The following LRRC4C variants were observed in gnomAD, a reference collection of about 807,000 sequenced individuals.
LRRC4C encodes the protein leucine rich repeat containing 4C.
A neutral mutation model predicts 33.6 loss-of-function variants in LRRC4C; 5 were observed. That is an observed-to-expected ratio of 0.15 (90% CI 0.08 to 0.31). The LOEUF (loss-of-function observed/expected upper bound fraction) is 0.31. Ranked by LOEUF, LRRC4C falls within the 10% of genes least tolerant of loss-of-function variation. The pLI is 1.00. For missense variants in LRRC4C, 560 were observed against 796.7 expected, an observed-to-expected ratio of 0.70 and a Z score of 3.58; for synonymous variants, 329 against 302.0, an observed-to-expected ratio of 1.09 and a Z score of -0.93.
intron 1 of LRRC4C, among the ~76,000 whole-genome samples, chr11:41,307,318 T>G (rs1950533092): frequency 6.6e-6 from 1 of 151,880 alleles, no homozygotes. Context: ...CACCATAACC[T>G]GTCGTTTAAT....
intron 4 of LRRC4C, among the ~76,000 whole-genome samples, chr11:40,264,172 G>A (rs1942075644): frequency 6.6e-6 from 1 of 152,174 alleles, no homozygotes; most frequent in Admixed American, 6.5e-5. Flanking sequence ...AAGTGCCAGA[G>A]CCAGTATTTG....
intron 3 of LRRC4C, among the ~76,000 whole-genome samples, chr11:40,495,451 G>A (rs1954382359): frequency 6.6e-6 from 1 of 152,098 alleles, no homozygotes; most frequent in Non-Finnish European, 1.5e-5. Flanking sequence ...AGTGTCTCAG[G>A]AGTGACACTT....
intron 1 of LRRC4C, among the ~76,000 whole-genome samples, chr11:41,184,732 C>T (rs902275789): frequency 2.0e-5 from 3 of 151,052 alleles, no homozygotes; most frequent in Admixed American, 6.6e-5. Flanking sequence ...TTTTCAGCAA[C>T]GTCCCACTTT....
At chr11:40,738,726 A>G (rs1948007751) in intron 2 of LRRC4C, among the ~76,000 whole-genome samples, 1 of 152,078 alleles carries the variant, frequency 6.6e-6, no homozygotes, top group Non-Finnish European at 1.5e-5. Context: ...GAACTGATAG[A>G]GATTTTTCTT....
intron 2 of LRRC4C, among the ~76,000 whole-genome samples, chr11:40,784,552 T>C (rs1441168218): frequency 6.6e-6 from 1 of 152,234 alleles, no homozygotes; most frequent in African/African-American, 2.4e-5. Flanking sequence ...AAAGTAATTT[T>C]TTATGTAATA....
intron 1 of LRRC4C, among the ~76,000 whole-genome samples, chr11:41,290,679 A>G (rs1269976807): frequency 6.6e-6 from 1 of 152,290 alleles, no homozygotes; most frequent in East Asian, 1.9e-4. Context: ...ATGTTTAATG[A>G]GACTTAAAAA....
intron 2 of LRRC4C, among the ~76,000 whole-genome samples, chr11:40,740,379 A>G (rs550087455): frequency 1.3e-4 from 20 of 152,044 alleles, no homozygotes; most frequent in Non-Finnish European, 2.2e-4. Flanking sequence ...ATGATATATT[A>G]TTAGAGTTTT....
intron 3 of LRRC4C, among the ~76,000 whole-genome samples, chr11:40,589,975 G>T (rs201784331): frequency 0.13 from 18,967 of 150,814 alleles, 1,311 homozygotes; most frequent in Middle Eastern, 0.2. Flanking sequence ...CTCTTCTCGA[G>T]GAGTATCTTT....
At chr11:40,598,178 A>G (rs1959567828) in intron 3 of LRRC4C, among the ~76,000 whole-genome samples, 1 of 152,202 alleles carries the variant, frequency 6.6e-6, no homozygotes, top group African/African-American at 2.4e-5. Context: ...AACTAAGAAA[A>G]GCATCACTTT....
At chr11:40,424,153 T>G (rs1950627667) in intron 3 of LRRC4C, among the ~76,000 whole-genome samples, 1 of 133,668 alleles carries the variant, frequency 7.5e-6, no homozygotes, top group Non-Finnish European at 1.7e-5. Context: ...AGATCCATAA[T>G]ACTTAAATGG....
intron 1 of LRRC4C, among the ~76,000 whole-genome samples, chr11:41,089,367 G>A (rs1940235004): frequency 6.6e-6 from 1 of 151,982 alleles, no homozygotes; most frequent in Non-Finnish European, 1.5e-5. Context: ...GCCAATTATT[G>A]TCATGGCACC....
intron 1 of LRRC4C, among the ~76,000 whole-genome samples, chr11:41,292,564 T>C (rs1205591886): frequency 6.6e-6 from 1 of 152,016 alleles, no homozygotes. Flanking sequence ...AAATACAATA[T>C]AATATTTTGA....
intron 2 of LRRC4C, among the ~76,000 whole-genome samples, chr11:40,874,807 G>T (rs549880034): frequency 2.6e-5 from 4 of 152,252 alleles, no homozygotes; most frequent in Admixed American, 2.6e-4. Flanking sequence ...ATAGTACCAC[G>T]TCTCTGTAGG....
intron 3 of LRRC4C, among the ~76,000 whole-genome samples, chr11:40,510,481 T>A (rs1469107942): frequency 6.6e-6 from 1 of 152,104 alleles, no homozygotes; most frequent in Non-Finnish European, 1.5e-5. Context: ...ATATAACATC[T>A]AAGTACAATA....
chr11:41,086,080 A>G (rs1306932680), intron 1 of LRRC4C, among the ~76,000 whole-genome samples: 1 of 152,086 alleles, frequency 6.6e-6, no homozygotes. Flanking sequence ...TCTGAATCCT[A>G]GTGTATCAAA....
chr11:40,553,621 A>C (rs948628182), intron 3 of LRRC4C, among the ~76,000 whole-genome samples: 2 of 152,164 alleles, frequency 1.3e-5, no homozygotes, highest in African/African-American at 2.4e-5. Flanking sequence ...AGCCATTCTG[A>C]CTAGTGTGAG....
At chr11:41,387,098 T>C (rs192640358) in intron 1 of LRRC4C, among the ~76,000 whole-genome samples, 5 of 151,926 alleles carry the variant, frequency 3.3e-5, no homozygotes, top group Admixed American at 6.6e-5. Context: ...GTTATGACTA[T>C]ATGCAAAGCA....
intron 1 of LRRC4C, among the ~76,000 whole-genome samples, chr11:40,947,034 G>C (rs963396515): frequency 6.6e-6 from 1 of 152,102 alleles, no homozygotes; most frequent in East Asian, 1.9e-4. Context: ...TATAAGCGAA[G>C]TTAAGGCAGA....
intron 2 of LRRC4C, among the ~76,000 whole-genome samples, chr11:40,673,749 T>A (rs1249427913): frequency 6.6e-6 from 1 of 152,192 alleles, no homozygotes; most frequent in Non-Finnish European, 1.5e-5. Context: ...TTACTTCACC[T>A]CTTTCCTCCA....
Sources: gnomAD v4.1 joint callset for allele counts (sites outside exome capture counted in the v4.1 genomes callset) on GRCh38, gnomAD v4.1.1 for gene constraint, MANE v1.5 for transcripts, NCBI Gene and HGNC (gene_info 2026-07-23, HGNC 2026-07-21) for gene names.